Variants in ITGAM observed in about 807,000 individuals in gnomAD.
The protein encoded by ITGAM is integrin subunit alpha M, also known as integrin alpha-M.
Under a neutral mutation model 137.5 loss-of-function variants are expected in ITGAM, and 79 were observed. That is an observed-to-expected ratio of 0.57 (90% confidence interval 0.48 to 0.69). ITGAM has a LOEUF of 0.69. Among genes scored for constraint, ITGAM ranks in the 30% least tolerant of loss-of-function variants. The probability of loss-of-function intolerance (pLI) is 0.00; values close to 1 mark genes in which losing one functional copy is unlikely to be tolerated. For missense variants in ITGAM, 1,343 were observed against 1,483.5 expected (o/e 0.91, Z 1.56); for synonymous variants, 583 against 592.3 (o/e 0.98, Z 0.23).
At chr16:31,268,581 G>A (rs1305200550) in intron 5 of ITGAM, among the ~76,000 whole-genome samples, 1 of 152,176 alleles carries the variant, frequency 6.6e-6, no homozygotes, top group Non-Finnish European at 1.5e-5. Context: ...TGGGGTTACA[G>A]GCATGAGCCA....
intron 5 of ITGAM, among the ~76,000 whole-genome samples, chr16:31,266,392 G>C (rs923822130): frequency 4.7e-5 from 7 of 147,480 alleles, no homozygotes; most frequent in African/African-American, 1.5e-4. Flanking sequence ...AGATCAGCCT[G>C]GGCAATGTAG....
Position 31,271,912 on chromosome 16 carries a change from C to A in ITGAM, c.624C>A (p.Asn208Lys), listed in dbSNP as rs748844729. 1.9e-6 allele frequency: 3 copies of A among 1,613,932 alleles called. No homozygotes were observed. The highest frequency in any genetic ancestry group is 2.5e-6 in the Non-Finnish European group (3 of 1,179,914). The stretch of plus-strand genomic sequence containing the variant: ...TTACCTTCAAAGAGTTCCAGAACAA[C>A]CCTAACCCAAGATCACTGGTGAAGC... ...IHFTFKEFQN[N>K]PNPRSLVKPI... Residue 208 changes from asparagine (N) to lysine (K), a missense_variant, in exon 7 of 30, where the codon AAC (asparagine) becomes AAA (lysine). Asn to Lys is a moderately conservative substitution (Grantham distance 94). Transcript: ENST00000544665.
chr16:31,326,081 G>GAAATA (rs1274835126), intron 21 of ITGAM, among the ~76,000 whole-genome samples: 24 of 151,900 alleles, frequency 1.6e-4, no homozygotes, highest in African/African-American at 5.3e-4. Context: ...TAAATAAAAT[G>GAAATA]AAATAAAATA....
intron 28 of ITGAM, among the ~76,000 whole-genome samples, chr16:31,330,948 G>A (rs1032835574): frequency 1.3e-5 from 2 of 151,808 alleles, no homozygotes; most frequent in African/African-American, 4.8e-5. Context: ...TGGAGATAGA[G>A]AGACAGAGAG....
intron 12 of ITGAM, among the ~76,000 whole-genome samples, chr16:31,278,316 G>A (rs948094308): frequency 6.6e-6 from 1 of 152,168 alleles, no homozygotes; most frequent in Non-Finnish European, 1.5e-5. Flanking sequence ...ATGCTTGCCT[G>A]TACAGAGCTC....
At chr16:31,276,320 C>CTTTCT (rs1182576072) in intron 9 of ITGAM, among the ~76,000 whole-genome samples, 2 of 151,880 alleles carry the variant, frequency 1.3e-5, no homozygotes, top group Non-Finnish European at 2.9e-5. Context: ...GGTTCTTCTG[C>CTTTCT]TTTCTTTTCT....
Position 31,275,780 on chromosome 16 carries a change from C to A in ITGAM, c.1009+81C>A. On this transcript the variant is annotated intron_variant, in intron 9 of 29. Transcript: ENST00000544665. ...AACATAGTCCCCTCTAGAATCCAGA[C>A]CTTCCTAACCCTTGGTATCCCCCAG... 5 of 1,384,894 alleles carry A rather than the reference C, an allele frequency of 3.6e-6. No homozygotes were observed. In the South Asian group the frequency reaches 3.9e-5, roughly 11 times the overall value. The allele number at this position is 1,384,894 out of a possible 1,614,324, so 85.8% of individuals were successfully genotyped here. A position where few individuals can be genotyped will look rare whatever the true frequency, so the allele number is the denominator to read the frequency against.
chr16:31,271,171 C>G (rs1273043781), intron 6 of ITGAM, 87 bp downstream of exon 6: 1 of 1,133,498 alleles, frequency 8.8e-7, no homozygotes, highest in Non-Finnish European at 1.2e-6. Context: ...CCTCCCAGTT[C>G]AACTGCAGAC....
At chr16:31,305,397 G>A (rs1038922058) in intron 14 of ITGAM, among the ~76,000 whole-genome samples, 31 of 152,132 alleles carry the variant, frequency 2.0e-4, no homozygotes, top group African/African-American at 7.5e-4. Context: ...TCATATCATT[G>A]GCAAACAGCT....
At chr16:31,306,787 G>C (rs899989246) in intron 14 of ITGAM, among the ~76,000 whole-genome samples, 5 of 152,122 alleles carry the variant, frequency 3.3e-5, no homozygotes, top group Non-Finnish European at 5.9e-5. Context: ...TGGGATTACA[G>C]GCATGAGCCA....
intron 12 of ITGAM, among the ~76,000 whole-genome samples, chr16:31,286,185 T>G (rs1467543353): frequency 6.6e-6 from 1 of 152,214 alleles, no homozygotes; most frequent in Non-Finnish European, 1.5e-5. Flanking sequence ...GATTCATTTT[T>G]TTTTTTATGG....
chr16:31,324,125 G>T lies in ITGAM; in HGVS notation c.2003-274G>T, dbSNP rs1181689367. Among the ~76,000 whole-genome samples the T allele has an allele frequency of 7.3e-6, 1 of 136,852 alleles. No individual in the cohort carries two copies. Among genetic ancestry groups the T allele is most frequent in the South Asian group, 2.3e-4 (1 of 4,390 alleles). 89.8% of individuals were successfully genotyped at this position (136,852 alleles called of 152,430 possible). On this transcript the variant is annotated intron_variant, in intron 16 of 29. Transcript: ENST00000544665. This position sits in a 1 kb window ranked among gnomAD's most constrained non-coding sequence, Gnocchi z 4.5. ...GAAAAGGAAGGAAGGAAGAAGGGAA[G>T]GAAGGAAAGGAAGGAAAGTAGGAAA...
At chr16:31,277,945 C>T in intron 11 of ITGAM, 22 bp from the exon 12 acceptor site, 1 of 1,571,826 alleles carries the variant, frequency 6.4e-7, no homozygotes, top group Non-Finnish European at 8.6e-7. Context: ...ATGCACTTCA[C>T]CTCTCAGACC....
At chr16:31,301,057 C>G (rs975221886) in intron 14 of ITGAM, among the ~76,000 whole-genome samples, 1 of 152,112 alleles carries the variant, frequency 6.6e-6, no homozygotes, top group African/African-American at 2.4e-5. Flanking sequence ...TTATTCTTGC[C>G]TTTGCTGTGT....
At chr16:31,329,944 C>A (rs925945783) in intron 25 of ITGAM, 39 bp downstream of exon 25, 10 of 1,538,210 alleles carry the variant, frequency 6.5e-6, no homozygotes, top group African/African-American at 1.4e-5. Flanking sequence ...CGGCCCTGCG[C>A]GTTCCTCTCA....
chr16:31,271,968 C>T lies in ITGAM; in HGVS notation c.680C>T (p.Thr227Met), dbSNP rs188605180. 5.0e-6 allele frequency: 8 copies of T among 1,614,004 alleles called. No homozygotes were observed. The highest frequency in any genetic ancestry group is 1.7e-4 in the Middle Eastern group (1 of 6,060). ...ACGCAGCTGCTTGGGCGGACACACA[C>T]GGCCACGGGCATCCGCAAAGTGGTG... ...PITQLLGRTHTATGIRKVVRE... is the reference protein window; with the variant it reads ...PITQLLGRTHMATGIRKVVRE... The change falls in exon 7 of 30, where the codon ACG becomes ATG. Residue 227 changes from threonine to methionine, a missense_variant. Thr to Met is a moderately conservative substitution (Grantham distance 81, BLOSUM62 -1). Coordinates refer to ENST00000544665, the MANE Select transcript of ITGAM (RefSeq NM_000632.4).
chr16:31,319,006 T>C (rs2080420740), intron 14 of ITGAM, among the ~76,000 whole-genome samples: 1 of 152,182 alleles, frequency 6.6e-6, no homozygotes, highest in African/African-American at 2.4e-5. Flanking sequence ...ATATGTATGT[T>C]TTTTTCCAGT....
chr16:31,330,033 C>T (rs1392149780), intron 25 of ITGAM, 48 bp from the exon 26 acceptor site: 1 of 1,578,222 alleles, frequency 6.3e-7, no homozygotes, highest in South Asian at 1.1e-5. Flanking sequence ...CGAGATGAGG[C>T]CCTGGCGCCT....
chr16:31,314,228 G>A (rs566618487), intron 14 of ITGAM, among the ~76,000 whole-genome samples: 23 of 152,038 alleles, frequency 1.5e-4, no homozygotes, highest in Non-Finnish European at 2.6e-4. Context: ...AAGCTCTTTA[G>A]TTTAATTAGA....
Sources: allele counts gnomAD v4.1 joint callset (sites outside exome capture counted in the v4.1 genomes callset), GRCh38; gene constraint gnomAD v4.1.1; non-coding constraint Gnocchi (gnomAD v3.1); transcripts MANE v1.5; gene names NCBI Gene and HGNC (gene_info 2026-07-23, HGNC 2026-07-21).